WAPL: variants seen among roughly 807,000 people sequenced by gnomAD.
WAPL encodes the protein wings apart-like protein homolog.
Under a neutral mutation model 121.0 loss-of-function variants are expected in WAPL, and 5 were observed. That is an observed-to-expected ratio of 0.04 (90% CI 0.02 to 0.09). The LOEUF (loss-of-function observed/expected upper bound fraction) is 0.09, where lower values mean the gene tolerates loss of function less well. Ranked by LOEUF, WAPL falls within the 10% of genes least tolerant of loss-of-function variation. The pLI, the probability that WAPL is intolerant of heterozygous loss-of-function variation, is 1.00. For missense variants in WAPL, 999 were observed against 1,410.8 expected (o/e 0.71, Z 4.68); for synonymous variants, 480 against 481.5 (o/e 1.00, Z 0.04).
chr10:86,455,002 G>C (rs916674765), intron 12 of WAPL, among the ~76,000 whole-genome samples: 3 of 140,674 alleles, frequency 2.1e-5, no homozygotes, highest in South Asian at 2.6e-4. Context: ...CCGCCCGGCA[G>C]CCACCCCGTC....
At chr10:86,437,820 T>A (rs1407807226) in intron 18 of WAPL, 100 bp downstream of exon 18, 3 of 1,040,956 alleles carry the variant, frequency 2.9e-6, no homozygotes, top group Non-Finnish European at 4.2e-6. Flanking sequence ...TAAAAGAAAA[T>A]CCCTTTTTGC....
chr10:86,466,993 G>A, intron 9 of WAPL: 1 of 328,532 alleles, frequency 3.0e-6, no homozygotes, highest in Non-Finnish European at 5.7e-6. Context: ...GAACCACTGT[G>A]CCCGGCCCCT....
At chr10:86,442,814 C>T (rs1217233861) in intron 17 of WAPL, among the ~76,000 whole-genome samples, 3 of 152,150 alleles carry the variant, frequency 2.0e-5, no homozygotes, top group Non-Finnish European at 2.9e-5. Flanking sequence ...CCAAGGCAGG[C>T]GGATCACGAG....
rs115626033 is a variant in WAPL, at chr10:86,453,459, A to G, written c.2834-124T>C. 1,452 of 1,215,548 alleles carry G rather than the reference A, an allele frequency of 1.2e-3. 13 individuals carry two copies. The African/African-American group carries it at 0.02, about 17-fold the overall frequency. 75.3% of individuals were successfully genotyped at this position (1,215,548 alleles called of 1,614,324 possible). ...AGTCATTCCTCTATTGAAACATACT[A>G]TTGATACTTCTGGGTCAAGCTACTA... is the stretch of plus-strand genomic sequence containing the variant. On this transcript the variant is annotated intron_variant, in intron 13 of 18. Transcript: ENST00000298767.
chr10:86,462,486 G>C (rs368347846), intron 9 of WAPL, among the ~76,000 whole-genome samples: 2 of 152,004 alleles, frequency 1.3e-5, no homozygotes, highest in South Asian at 2.1e-4. Context: ...TTGGGAGGCC[G>C]AGGCGGGCTG....
chr10:86,445,923 AAAAACTG>A (rs1849605956), intron 16 of WAPL, among the ~76,000 whole-genome samples: 1 of 152,186 alleles, frequency 6.6e-6, no homozygotes, highest in African/African-American at 2.4e-5. Context: ...AAACAATCTC[AAAAACTG>A]AAAACTGAAA....
chr10:86,476,228 G>A (rs1014936577), intron 4 of WAPL, among the ~76,000 whole-genome samples: 14 of 152,002 alleles, frequency 9.2e-5, no homozygotes, highest in African/African-American at 3.1e-4. Context: ...AGCGGGGCAC[G>A]GTGGTGGGCA....
chr10:86,451,402 T>C (rs1237089683), intron 15 of WAPL, among the ~76,000 whole-genome samples: 1 of 152,130 alleles, frequency 6.6e-6, no homozygotes, highest in Non-Finnish European at 1.5e-5. Flanking sequence ...CTTTTTTTTT[T>C]TTTGGAGACA....
intron 16 of WAPL, among the ~76,000 whole-genome samples, chr10:86,445,329 T>C (rs905033530): frequency 6.6e-6 from 1 of 152,196 alleles, no homozygotes; most frequent in Non-Finnish European, 1.5e-5. Context: ...ATATTTTTGA[T>C]TTGTGGTTGG....
At chr10:86,489,057 A>G (rs933696698) in intron 4 of WAPL, among the ~76,000 whole-genome samples, 2 of 152,342 alleles carry the variant, frequency 1.3e-5, no homozygotes, top group East Asian at 1.9e-4. Context: ...ATTGCCATCA[A>G]AACTGTCTAA....
At chr10:86,503,903 C>T (rs1842293644) in intron 2 of WAPL, among the ~76,000 whole-genome samples, 1 of 152,214 alleles carries the variant, frequency 6.6e-6, no homozygotes, top group African/African-American at 2.4e-5. Context: ...GGCACAATGG[C>T]TCAGGCCTAT....
intron 3 of WAPL, among the ~76,000 whole-genome samples, chr10:86,498,436 G>A (rs1032726350): frequency 2.6e-5 from 4 of 151,926 alleles, no homozygotes; most frequent in Admixed American, 2.6e-4. Flanking sequence ...AGCCCCTAGG[G>A]GTACTCCTGT....
intron 16 of WAPL, 90 bp downstream of exon 16, chr10:86,446,152 A>T: frequency 7.1e-7 from 1 of 1,416,624 alleles, no homozygotes; most frequent in Non-Finnish European, 9.8e-7. Flanking sequence ...TAGCCAGATT[A>T]AGACAATCTG....
At chr10:86,503,265 G>A (rs981474871) in intron 2 of WAPL, among the ~76,000 whole-genome samples, 7 of 151,500 alleles carry the variant, frequency 4.6e-5, no homozygotes, top group South Asian at 4.2e-4. Flanking sequence ...TTTATCTCAC[G>A]GTGTGCTGAG....
chr10:86,441,574 A>AG (rs1491423698), intron 17 of WAPL, among the ~76,000 whole-genome samples: 11 of 57,878 alleles, frequency 1.9e-4, no homozygotes, highest in Non-Finnish European at 4.8e-4. Flanking sequence ...TGCACCTATG[A>AG]AAAAAAAAAA....
intron 9 of WAPL, among the ~76,000 whole-genome samples, chr10:86,464,511 A>C (rs1236453104): frequency 1.3e-5 from 2 of 152,246 alleles, no homozygotes. Context: ...CATGAAAAAA[A>C]TCAGTAGACA....
intron 15 of WAPL, among the ~76,000 whole-genome samples, chr10:86,450,384 C>A (rs1840948624): frequency 6.6e-6 from 1 of 152,116 alleles, no homozygotes; most frequent in African/African-American, 2.4e-5. Context: ...TATGAGCATG[C>A]ACCACCACAC....
intron 4 of WAPL, among the ~76,000 whole-genome samples, chr10:86,486,163 T>C (rs897454125): frequency 2.2e-4 from 34 of 152,348 alleles, no homozygotes; most frequent in African/African-American, 7.7e-4. Context: ...TACCACATGA[T>C]GACTGGATCT....
chr10:86,519,785 C>A (rs1244292315), intron 1 of WAPL, among the ~76,000 whole-genome samples: 1 of 152,124 alleles, frequency 6.6e-6, no homozygotes, highest in African/African-American at 2.4e-5. Flanking sequence ...CACATACACA[C>A]CAACAAAGAT....
Sources: allele counts gnomAD v4.1 joint callset (sites outside exome capture counted in the v4.1 genomes callset), GRCh38; gene constraint gnomAD v4.1.1; transcripts MANE v1.5; gene names NCBI Gene and HGNC (gene_info 2026-07-23, HGNC 2026-07-21).